The following COL5A1 variants were observed in gnomAD, a reference collection of about 807,000 sequenced individuals.
COL5A1 encodes collagen type V alpha 1 chain, also known as collagen alpha-1(V) chain.
Under a neutral mutation model 263.7 loss-of-function variants are expected in COL5A1, and 16 were observed. That is an observed-to-expected ratio of 0.06 (90% confidence interval 0.04 to 0.09). The LOEUF (loss-of-function observed/expected upper bound fraction) is 0.09, where lower values mean the gene tolerates loss of function less well. Among genes scored for constraint, COL5A1 ranks in the 10% least tolerant of loss-of-function variants. The pLI is 1.00. For missense variants in COL5A1, 2,036 were observed against 2,540.5 expected (o/e 0.80, Z 4.27); for synonymous variants, 1,012 against 1,004.5 (o/e 1.01, Z -0.14).
Position 134,656,096 on chromosome 9 carries a change from C to T in COL5A1, c.109+13800C>T, listed in dbSNP as rs1831961716. Among the ~76,000 whole-genome samples, 3 of 152,300 alleles carry T rather than the reference C, an allele frequency of 2.0e-5. No individual in the cohort carries two copies. The South Asian group carries it at 6.2e-4, about 32-fold the overall frequency. The stretch of plus-strand genomic sequence containing the variant: ...GCCAGAGGATGCCGGAGCTTGGAGC[C>T]TGGGACCCTCACAGTGGACAGGTGC... On this transcript the variant is annotated intron_variant, in intron 1 of 65. Transcript: ENST00000371817.
chr9:134,835,332 C>A, intron 65 of COL5A1, 128 bp downstream of exon 65: 1 of 795,706 alleles, frequency 1.3e-6, no homozygotes, highest in South Asian at 1.6e-5. Flanking sequence ...ACCAGACTCT[C>A]GCCCCAGGCA....
intron 50 of COL5A1, 108 bp downstream of exon 50, chr9:134,815,012 A>G (rs1391604406): frequency 6.4e-6 from 5 of 780,074 alleles, no homozygotes; most frequent in Non-Finnish European, 1.0e-5. Context: ...CAGCTTCAAG[A>G]CCATTCCATG....
intron 2 of COL5A1, among the ~76,000 whole-genome samples, chr9:134,692,613 C>T (rs377000062): frequency 6.6e-6 from 1 of 152,200 alleles, no homozygotes; most frequent in South Asian, 2.1e-4. Flanking sequence ...AGTAAGCGCT[C>T]CTGCTTTCCA....
Position 134,842,741 on chromosome 9 carries a change from G to A in COL5A1, c.*438G>A. 4.4e-6 allele frequency: 1 copy of A among 227,454 alleles called. No homozygotes were observed. 14.1% of individuals were successfully genotyped at this position (227,454 alleles called of 1,614,324 possible). On this transcript the variant is annotated 3_prime_UTR_variant, in exon 66 of 66. Transcript: ENST00000371817. This position sits in a 1 kb window ranked among gnomAD's most constrained non-coding sequence, Gnocchi z 5.8. ...CCTGACCTTCAAAAAATGTTCCAAG[G>A]TAAGCCTCGTAAAGGTCATCCCACC...
chr9:134,842,116 A>G lies in COL5A1; in HGVS notation c.5371-41A>G, dbSNP rs376791235. On this transcript the variant is annotated intron_variant, in intron 65 of 65. Coordinates refer to ENST00000371817, the MANE Select transcript of COL5A1 (RefSeq NM_000093.5). This position sits in a 1 kb window ranked among gnomAD's most constrained non-coding sequence, Gnocchi z 5.8. ...TGATTGGTAAACCCCAAGACCCCCA[A>G]CTGTTCTTAACCACCGGCCATCTGT... 2.4e-5 allele frequency: 39 copies of G among 1,613,172 alleles called. No individual in the cohort carries two copies. The highest frequency in any genetic ancestry group is 8.0e-5 in the African/African-American group (6 of 74,958).
At chr9:134,831,040 C>T (rs796621984) in intron 64 of COL5A1, among the ~76,000 whole-genome samples, 1 of 152,174 alleles carries the variant, frequency 6.6e-6, no homozygotes, top group African/African-American at 2.4e-5. Flanking sequence ...TCCAGTGGCC[C>T]CACTCCCAGG....
chr9:134,806,456 T>C (rs970657577), intron 42 of COL5A1, among the ~76,000 whole-genome samples, 160 bp downstream of exon 42: 2 of 152,020 alleles, frequency 1.3e-5, no homozygotes, highest in African/African-American at 2.4e-5. Context: ...GTGTGTCCCA[T>C]GGGAACCTGG....
Position 134,767,154 on chromosome 9 carries a change from C to T in COL5A1, c.2187+101C>T, listed in dbSNP as rs72774432. On this transcript the variant is annotated intron_variant, in intron 23 of 65. Coordinates refer to ENST00000371817, the MANE Select transcript of COL5A1 (RefSeq NM_000093.5). ...AGGAAGCGGGGAGCTCTGTCCCCTC[C>T]AAGTAGCAGCCCCTCCCCTTATCTG... The T allele has an allele frequency of 0.024, 35,338 of 1,459,732 alleles. 524 individuals carry two copies. Among genetic ancestry groups the T allele is most frequent in the East Asian group, 0.041 (1,786 of 43,528 alleles). 90.4% of individuals were successfully genotyped at this position (1,459,732 alleles called of 1,614,324 possible). A position where few individuals can be genotyped will look rare whatever the true frequency, so the allele number is the denominator to read the frequency against.
intron 37 of COL5A1, among the ~76,000 whole-genome samples, chr9:134,798,672 G>A (rs570141333): frequency 1.8e-4 from 24 of 132,200 alleles, no homozygotes; most frequent in African/African-American, 5.2e-4. Flanking sequence ...CATGCAGGCC[G>A]GCAGCGCCTT....
chr9:134,711,055 G>C (rs1244169099), intron 4 of COL5A1, among the ~76,000 whole-genome samples: 1 of 152,090 alleles, frequency 6.6e-6, no homozygotes, highest in African/African-American at 2.4e-5. Flanking sequence ...GACCACTTGG[G>C]GGGGCAGCCA....
In COL5A1 at chr9:134,765,674, C is replaced by G. The variant is rs1445534773; in HGVS notation, c.2035-7C>G. Reference sequence around the variant, plus strand: ...GTTTAAATCCTATTTTCCCTTTCCTCTTACAGGGGCCACGTGGTCTGCTTG... The same window carrying G: ...GTTTAAATCCTATTTTCCCTTTCCTGTTACAGGGGCCACGTGGTCTGCTTG... On this transcript the variant is annotated splice_polypyrimidine_tract_variant and splice_region_variant and intron_variant, in intron 20 of 65. Transcript: ENST00000371817. The surrounding 1 kb of genome is among the most constrained non-coding windows in gnomAD (Gnocchi z 5.1). 1 of 1,613,246 alleles carries G rather than the reference C, an allele frequency of 6.2e-7. No individual in the cohort carries two copies. Among genetic ancestry groups the G allele is most frequent in the Non-Finnish European group, 8.5e-7 (1 of 1,179,374 alleles).
intron 4 of COL5A1, among the ~76,000 whole-genome samples, chr9:134,720,279 A>G (rs1834405517): frequency 6.6e-6 from 1 of 152,134 alleles, no homozygotes; most frequent in Non-Finnish European, 1.5e-5. Flanking sequence ...CTGAAAAGCC[A>G]CGAGCTCACC....
In COL5A1 at chr9:134,732,040, T is replaced by G. The variant is rs774280381; in HGVS notation, c.1333-31T>G. ...TTTCTTTCTCACTTTTCTCTCTGAT[T>G]CTCTTTCCATCTGCCTTTTATCACC... On this transcript the variant is annotated intron_variant, in intron 8 of 65. Coordinates refer to ENST00000371817, the MANE Select transcript of COL5A1 (RefSeq NM_000093.5). 9 of 1,612,508 alleles carry G rather than the reference T, an allele frequency of 5.6e-6. No homozygotes were observed. The East Asian group carries it at 2.0e-4, about 36-fold the overall frequency.
intron 64 of COL5A1, among the ~76,000 whole-genome samples, chr9:134,832,410 A>T (rs1839674396): frequency 6.6e-6 from 1 of 152,170 alleles, no homozygotes; most frequent in Non-Finnish European, 1.5e-5. Context: ...CGTCTCCAAA[A>T]AAAAAGAAAG....
Position 134,732,054 on chromosome 9 carries a change from C to T in COL5A1, c.1333-17C>T, listed in dbSNP as rs1283769035. ...TTCTCTCTGATTCTCTTTCCATCTG[C>T]CTTTTATCACCCCCAGATTGGAGGA... On this transcript the variant is annotated splice_polypyrimidine_tract_variant and intron_variant, in intron 8 of 65. Coordinates refer to ENST00000371817, the MANE Select transcript of COL5A1 (RefSeq NM_000093.5). 2 of 1,613,768 alleles carry T rather than the reference C, an allele frequency of 1.2e-6. No individual in the cohort carries two copies. The highest frequency in any genetic ancestry group is 1.7e-5 in the Admixed American group (1 of 60,026).
intron 48 of COL5A1, among the ~76,000 whole-genome samples, 167 bp downstream of exon 48, chr9:134,812,879 T>C (rs1226112592): frequency 2.0e-5 from 3 of 151,658 alleles, no homozygotes; most frequent in Non-Finnish European, 4.4e-5. Context: ...TGAGAAGTAC[T>C]CATTTCTGTG....
At chr9:134,839,391 G>C (rs1226698228) in intron 65 of COL5A1, among the ~76,000 whole-genome samples, 1 of 152,184 alleles carries the variant, frequency 6.6e-6, no homozygotes, top group South Asian at 2.1e-4. Flanking sequence ...TGGAGCAGAG[G>C]GGTCCCATAA....
intron 4 of COL5A1, among the ~76,000 whole-genome samples, chr9:134,712,374 C>T (rs1358232254): frequency 2.8e-5 from 3 of 108,710 alleles, no homozygotes; most frequent in Non-Finnish European, 5.6e-5. Context: ...TTCCTTCTTC[C>T]CTCCTTCCTG....
intron 1 of COL5A1, among the ~76,000 whole-genome samples, chr9:134,684,253 G>A (rs1456932876): frequency 6.6e-6 from 1 of 152,142 alleles, no homozygotes; most frequent in African/African-American, 2.4e-5. Flanking sequence ...TTAAGTTCCC[G>A]CTAAAAGCAG....
Sources: allele counts gnomAD v4.1 joint callset (sites outside exome capture counted in the v4.1 genomes callset), GRCh38; gene constraint gnomAD v4.1.1; non-coding constraint Gnocchi (gnomAD v3.1); transcripts MANE v1.5; gene names NCBI Gene and HGNC (gene_info 2026-07-23, HGNC 2026-07-21).